TENM4: variants seen among roughly 807,000 people sequenced by gnomAD.
The protein encoded by TENM4 is teneurin transmembrane protein 4.
Under a neutral mutation model 243.3 loss-of-function variants are expected in TENM4, and 82 were observed. The ratio of observed to expected loss-of-function variants is 0.34; its 90% CI spans 0.28 to 0.40. TENM4 has a LOEUF of 0.40. Ranked by LOEUF, TENM4 falls within the 10% of genes least tolerant of loss-of-function variation. The pLI is 1.00. For missense variants in TENM4, 3,138 were observed against 3,673.3 expected (o/e 0.85, Z 3.77); for synonymous variants, 1,412 against 1,456.3 (o/e 0.97, Z 0.69).
At position 78,805,277 on chromosome 11, in the gene TENM4, T is replaced by TGCCCCCCCAACCCACCCCCCC; in HGVS notation, c.2179+14_2179+15insGGGGGGGTGGGTTGGGGGGGC. On this transcript the variant is annotated intron_variant, in intron 15 of 33. Transcript: ENST00000278550. ...CCCCTCCCTCTACCCATGCTTCTTC[T>TGCCCCCCCAACCCACCCCCCC]CCCCCTGCATTTACCGATAGAACAG... 1 of 1,402,550 alleles carries TGCCCCCCCAACCCACCCCCCC rather than the reference T, an allele frequency of 7.1e-7. No homozygotes were observed. Among genetic ancestry groups the TGCCCCCCCAACCCACCCCCCC allele is most frequent in the Non-Finnish European group, 9.7e-7 (1 of 1,033,116 alleles). The allele number at this position is 1,402,550 out of a possible 1,614,324, so 86.9% of individuals were successfully genotyped here. A position where few individuals can be genotyped will look rare whatever the true frequency, so the allele number is the denominator to read the frequency against.
chr11:78,955,272 T>A (rs181770283), intron 6 of TENM4, among the ~76,000 whole-genome samples: 168 of 152,368 alleles, frequency 1.1e-3, no homozygotes, highest in South Asian at 3.9e-3. Context: ...TCCAGTGAGA[T>A]GACAGAGGAG....
intron 6 of TENM4, among the ~76,000 whole-genome samples, chr11:78,963,046 A>G (rs1857365990): frequency 6.6e-6 from 1 of 152,242 alleles, no homozygotes; most frequent in Admixed American, 6.5e-5. Flanking sequence ...TTCAGAATCT[A>G]ACATAATGCC....
intron 1 of TENM4, among the ~76,000 whole-genome samples, chr11:79,378,008 C>T (rs1857926773): frequency 6.6e-6 from 1 of 152,164 alleles, no homozygotes; most frequent in Non-Finnish European, 1.5e-5. Flanking sequence ...CACAGTTGAA[C>T]ATCCTCTCAT....
At chr11:79,163,034 C>T (rs1862787008) in intron 3 of TENM4, among the ~76,000 whole-genome samples, 1 of 152,170 alleles carries the variant, frequency 6.6e-6, no homozygotes, top group Non-Finnish European at 1.5e-5. Context: ...CCTAAAAGGT[C>T]CCTAGACCTT....
At chr11:79,174,814 C>T (rs1213042042) in intron 3 of TENM4, among the ~76,000 whole-genome samples, 1 of 152,224 alleles carries the variant, frequency 6.6e-6, no homozygotes, top group African/African-American at 2.4e-5. Flanking sequence ...CTTCACCTTG[C>T]TCATCAGGTC....
chr11:78,671,925 G>T, intron 31 of TENM4, 108 bp downstream of exon 31: 1 of 1,356,532 alleles, frequency 7.4e-7, no homozygotes, highest in Non-Finnish European at 1.0e-6. Flanking sequence ...ATTTCCTTTT[G>T]GTGACATGGG....
At chr11:78,675,449 T>C (rs759747537) in intron 30 of TENM4, among the ~76,000 whole-genome samples, 2 of 152,202 alleles carry the variant, frequency 1.3e-5, no homozygotes, top group African/African-American at 2.4e-5. Context: ...TTCATTAACT[T>C]TCCCTCTGTT....
At chr11:79,087,251 A>C (rs1371246127) in intron 4 of TENM4, among the ~76,000 whole-genome samples, 1 of 152,244 alleles carries the variant, frequency 6.6e-6, no homozygotes, top group African/African-American at 2.4e-5. Context: ...ATAAAGCCCA[A>C]TTCTTTTGAC....
In TENM4 at chr11:78,654,430, A is replaced by G. The variant is rs575077892; in HGVS notation, c.*3628T>C. The G allele has an allele frequency of 1.3e-5, 2 of 152,312 alleles. No individual in the cohort carries two copies. The highest frequency in any genetic ancestry group is 2.1e-4 in the South Asian group (1 of 4,820). 9.4% of individuals were successfully genotyped at this position (152,312 alleles called of 1,614,324 possible). The stretch of plus-strand genomic sequence containing the variant: ...TGAAATCTTAGATTCCATTTGCATA[A>G]TGGAAATCCCTGCCATCTATAAAGG... On this transcript the variant is annotated 3_prime_UTR_variant, in exon 34 of 34. Transcript: ENST00000278550.
chr11:78,676,215 C>T lies in TENM4; in HGVS notation c.5433G>A (p.Val1811=). ...CCTGCTCTTTGCGCTGGCGCCACTC[C>T]ACCAGGTTGAGGCCGTTGTCGATGG... ...TLPIDNGLNL[V]EWRQRKEQAR... Residue 1811 remains valine, a synonymous_variant, in exon 30 of 34, where the codon GTG becomes GTA. Transcript: ENST00000278550. 1 of 1,592,760 alleles carries T rather than the reference C, an allele frequency of 6.3e-7. No individual in the cohort carries two copies. The highest frequency in any genetic ancestry group is 8.6e-7 in the Non-Finnish European group (1 of 1,167,850).
At chr11:78,675,574 A>G (rs1858446471) in intron 30 of TENM4, among the ~76,000 whole-genome samples, 1 of 152,236 alleles carries the variant, frequency 6.6e-6, no homozygotes, top group South Asian at 2.1e-4. Flanking sequence ...GGCTCAGGGC[A>G]TCCACATATT....
At chr11:79,299,185 C>T (rs961093397) in intron 1 of TENM4, among the ~76,000 whole-genome samples, 1 of 152,126 alleles carries the variant, frequency 6.6e-6, no homozygotes, top group Non-Finnish European at 1.5e-5. Context: ...CCAGTGGTGC[C>T]CCTGCTACAC....
At chr11:78,663,531 C>T (rs1383159944) in intron 32 of TENM4, among the ~76,000 whole-genome samples, 1 of 152,024 alleles carries the variant, frequency 6.6e-6, no homozygotes, top group Admixed American at 6.5e-5. Flanking sequence ...CGTGTGGCAC[C>T]CCTCCCTTCT....
At chr11:79,333,145 C>T (rs1297724953) in intron 1 of TENM4, among the ~76,000 whole-genome samples, 1 of 152,128 alleles carries the variant, frequency 6.6e-6, no homozygotes, top group African/African-American at 2.4e-5. Flanking sequence ...TTCGGGGAGA[C>T]TGAGTACCAT....
At chr11:78,902,936 G>T (rs1431964326) in intron 7 of TENM4, among the ~76,000 whole-genome samples, 1 of 152,196 alleles carries the variant, frequency 6.6e-6, no homozygotes, top group Non-Finnish European at 1.5e-5. Context: ...TCACACATTA[G>T]CTCTCATCTC....
chr11:78,914,632 A>G (rs904682507), intron 6 of TENM4, among the ~76,000 whole-genome samples: 8 of 152,028 alleles, frequency 5.3e-5, no homozygotes, highest in African/African-American at 1.2e-4. Flanking sequence ...TGCAGCCCCA[A>G]TTCTATACTC....
intron 6 of TENM4, among the ~76,000 whole-genome samples, chr11:79,010,553 G>A (rs542309036): frequency 1.3e-5 from 2 of 152,268 alleles, no homozygotes; most frequent in East Asian, 3.9e-4. Context: ...CATGGCTGGG[G>A]AGGCCTCACA....
intron 6 of TENM4, among the ~76,000 whole-genome samples, chr11:79,025,883 G>C (rs922221404): frequency 6.6e-6 from 1 of 152,186 alleles, no homozygotes; most frequent in Non-Finnish European, 1.5e-5. Context: ...TGTGTGCTAC[G>C]GGGCTGGCTC....
At chr11:79,127,146 C>T (rs1246427076) in intron 4 of TENM4, among the ~76,000 whole-genome samples, 1 of 152,212 alleles carries the variant, frequency 6.6e-6, no homozygotes, top group Admixed American at 6.5e-5. Flanking sequence ...CCCACATTGG[C>T]TCCCTGACTG....
Sources: gnomAD v4.1 joint callset for allele counts (sites outside exome capture counted in the v4.1 genomes callset) on GRCh38, gnomAD v4.1.1 for gene constraint, MANE v1.5 for transcripts, NCBI Gene and HGNC (gene_info 2026-07-23, HGNC 2026-07-21) for gene names.